Variants in NTM observed in about 807,000 individuals in gnomAD.
NTM encodes IgLON family member 2.
A neutral mutation model predicts 42.1 loss-of-function variants in NTM; 13 were observed. The ratio of observed to expected loss-of-function variants is 0.31; its 90% CI spans 0.20 to 0.49. The LOEUF (loss-of-function observed/expected upper bound fraction) is 0.49, where lower values mean the gene tolerates loss of function less well. NTM is among the 20% of genes least tolerant of loss of function. NTM has a pLI of 0.99. For missense variants in NTM, 373 were observed against 452.8 expected (o/e 0.82, Z 1.60); for synonymous variants, 187 against 179.2 (o/e 1.04, Z -0.35).
At chr11:132,105,431 A>G (rs1231447042) in intron 2 of NTM, among the ~76,000 whole-genome samples, 1 of 152,152 alleles carries the variant, frequency 6.6e-6, no homozygotes, top group Non-Finnish European at 1.5e-5. Context: ...GGAGAGAAAC[A>G]TGAGAAGAGA....
chr11:131,900,788 A>T (rs566887813), intron 1 of NTM, among the ~76,000 whole-genome samples: 1 of 152,220 alleles, frequency 6.6e-6, no homozygotes, highest in Non-Finnish European at 1.5e-5. Flanking sequence ...AGCTACAGTG[A>T]TAACTACTAT....
intron 1 of NTM, among the ~76,000 whole-genome samples, chr11:131,618,613 G>A (rs1286861308): frequency 6.6e-6 from 1 of 152,182 alleles, no homozygotes; most frequent in African/African-American, 2.4e-5. Flanking sequence ...GTAACATCAG[G>A]ATGTGAGCCC....
In NTM at chr11:131,778,164, A is replaced by G. The variant is rs78577280; in HGVS notation, c.83-133400A>G. Among the ~76,000 whole-genome samples the G allele has an allele frequency of 3.4e-3, 514 of 152,310 alleles. 4 individuals are homozygous for G. Among genetic ancestry groups the G allele is most frequent in the African/African-American group, 0.011 (469 of 41,560 alleles). On this transcript the variant is annotated intron_variant, in intron 1 of 8. Coordinates refer to ENST00000683400, the MANE Select transcript of NTM (RefSeq NM_001352005.2). ...TTAAGCACCTGTCATTCAAATCCCA[A>G]TATCCAGATGGGTGTGTTGAGAAGA... is the stretch of plus-strand genomic sequence containing the variant.
chr11:132,172,486 A>G (rs2076245842), intron 3 of NTM, among the ~76,000 whole-genome samples: 1 of 152,160 alleles, frequency 6.6e-6, no homozygotes, highest in Non-Finnish European at 1.5e-5. Flanking sequence ...GGGGAAATGC[A>G]TTCAGTGGCT....
chr11:131,591,353 C>G (rs777026473), intron 1 of NTM, among the ~76,000 whole-genome samples: 1 of 152,340 alleles, frequency 6.6e-6, no homozygotes, highest in East Asian at 1.9e-4. Flanking sequence ...CTCAGAGGCC[C>G]TGCTGGGGAG....
At chr11:131,972,801 T>G (rs1033105799) in intron 2 of NTM, among the ~76,000 whole-genome samples, 1 of 152,156 alleles carries the variant, frequency 6.6e-6, no homozygotes, top group African/African-American at 2.4e-5. Flanking sequence ...GAGTGCCACT[T>G]ACAATCTCAT....
Position 132,310,157 on chromosome 11 carries a change from G to A in NTM, c.707G>A (p.Gly236Glu), listed in dbSNP as rs1190584941. 1 of 1,611,054 alleles carries A rather than the reference G, an allele frequency of 6.2e-7. No individual in the cohort carries two copies. Among genetic ancestry groups the A allele is most frequent in the African/African-American group, 1.3e-5 (1 of 74,572 alleles). ...SEAKGTGVPV[G>E]QKGTLQCEAS... ...GCCAAGGGTACAGGTGTCCCCGTGG[G>A]ACAAAAGGGGACACTGCAGTGTGAA... Residue 236 changes from glycine to glutamate, a missense_variant, in exon 6 of 9, where the codon GGA becomes GAA. Physicochemically the swap from Gly to Glu is moderately conservative, Grantham distance 98. This residue lies in a region of NTM where 312 missense variants were observed against 353.5 expected (regional missense o/e 0.88). Coordinates refer to ENST00000683400, the MANE Select transcript of NTM (RefSeq NM_001352005.2).
chr11:131,526,816 A>G (rs118163349), intron 1 of NTM, among the ~76,000 whole-genome samples: 1,549 of 152,296 alleles, frequency 0.01, 14 homozygotes, highest in Non-Finnish European at 0.017. Flanking sequence ...GCAGAGGGAA[A>G]AGTTATGTCT....
At chr11:131,529,131 A>T (rs1035698986) in intron 1 of NTM, among the ~76,000 whole-genome samples, 3 of 152,176 alleles carry the variant, frequency 2.0e-5, no homozygotes, top group African/African-American at 7.2e-5. Context: ...TTTCTGCTAA[A>T]CAGATGTTTT....
At chr11:132,187,212 GGCGTGT>G (rs1566417132) in intron 3 of NTM, among the ~76,000 whole-genome samples, 1 of 100,060 alleles carries the variant, frequency 1.0e-5, no homozygotes, top group Non-Finnish European at 1.9e-5. Flanking sequence ...TTGCTCAGAT[GGCGTGT>G]GTGTGTGTGT....
intron 1 of NTM, among the ~76,000 whole-genome samples, chr11:131,530,413 G>A (rs1486014325): frequency 7.2e-6 from 1 of 139,556 alleles, no homozygotes; most frequent in East Asian, 2.1e-4. Flanking sequence ...TAGTAAAGTT[G>A]AGTGCCTTTC....
At chr11:132,084,848 C>T (rs2059506546) in intron 2 of NTM, among the ~76,000 whole-genome samples, 1 of 152,116 alleles carries the variant, frequency 6.6e-6, no homozygotes, top group African/African-American at 2.4e-5. Context: ...TTTACCCTTG[C>T]ATTAGTTTAC....
At chr11:131,575,567 C>T (rs2057851080) in intron 1 of NTM, among the ~76,000 whole-genome samples, 1 of 152,158 alleles carries the variant, frequency 6.6e-6, no homozygotes, top group African/African-American at 2.4e-5. Context: ...TGTTAGATCG[C>T]TATAACTTTT....
At chr11:132,061,787 A>G (rs2080717102) in intron 2 of NTM, among the ~76,000 whole-genome samples, 1 of 152,136 alleles carries the variant, frequency 6.6e-6, no homozygotes, top group Admixed American at 6.6e-5. Flanking sequence ...GTGGCAGGAA[A>G]TTGTGCCAGA....
At chr11:131,968,017 GGCTAGAAATAACA>G (rs1565845426) in intron 2 of NTM, among the ~76,000 whole-genome samples, 1 of 152,084 alleles carries the variant, frequency 6.6e-6, no homozygotes. Flanking sequence ...TATAGGAATC[GGCTAGAAATAACA>G]TAAATAAATG....
At chr11:131,958,707 A>G (rs939946694) in intron 2 of NTM, among the ~76,000 whole-genome samples, 1 of 152,284 alleles carries the variant, frequency 6.6e-6, no homozygotes, top group Non-Finnish European at 1.5e-5. Context: ...CAAACCAAGC[A>G]ACTTGATGAG....
chr11:131,662,359 C>T (rs538949874), intron 1 of NTM: 1 of 152,340 alleles, frequency 6.6e-6, no homozygotes, highest in African/African-American at 2.4e-5. Flanking sequence ...GACACTGTGA[C>T]TCATGTCACA....
intron 1 of NTM, among the ~76,000 whole-genome samples, chr11:131,730,169 C>G (rs967225526): frequency 6.6e-6 from 1 of 152,152 alleles, no homozygotes; most frequent in Admixed American, 6.5e-5. Flanking sequence ...AGTTTGACTT[C>G]CATTTCCCTA....
chr11:131,451,263 G>A (rs1404821727), intron 1 of NTM, among the ~76,000 whole-genome samples: 2 of 152,130 alleles, frequency 1.3e-5, no homozygotes, highest in African/African-American at 2.4e-5. Flanking sequence ...TTAGATTTTC[G>A]AGCTTAGCCA....
Sources: allele counts gnomAD v4.1 joint callset (sites outside exome capture counted in the v4.1 genomes callset), GRCh38; gene constraint gnomAD v4.1.1; regional missense constraint gnomAD v4.1.1; transcripts MANE v1.5; gene names NCBI Gene and HGNC (gene_info 2026-07-23, HGNC 2026-07-21).